PSMG2: variants seen among roughly 807,000 people sequenced by gnomAD.
PSMG2 encodes proteasome assembly chaperone 2.
In PSMG2, 21 loss-of-function variants were observed where a neutral mutation model predicts 31.5. The ratio of observed to expected loss-of-function variants is 0.67; its 90% CI spans 0.47 to 0.96. The LOEUF is 0.96. Among genes scored for constraint, PSMG2 ranks in the 40% least tolerant of loss-of-function variants. The probability of loss-of-function intolerance (pLI) is 0.00; values close to 1 mark genes in which losing one functional copy is unlikely to be tolerated. For missense variants in PSMG2, 318 were observed against 321.2 expected, an observed-to-expected ratio of 0.99 and a Z score of 0.08; for synonymous variants, 120 against 110.4, an observed-to-expected ratio of 1.09 and a Z score of -0.54.
At chr18:12,666,341 T>G (rs2038802028) in intron 1 of PSMG2, among the ~76,000 whole-genome samples, 1 of 151,828 alleles carries the variant, frequency 6.6e-6, no homozygotes, top group South Asian at 2.1e-4. Flanking sequence ...AAATAAAAAA[T>G]TATTATCTTG....
At chr18:12,723,140 T>C (rs758890000) in intron 5 of PSMG2, among the ~76,000 whole-genome samples, 1 of 152,240 alleles carries the variant, frequency 6.6e-6, no homozygotes, top group African/African-American at 2.4e-5. Context: ...TATCAGAGTC[T>C]CCTCGGTGCC....
intron 2 of PSMG2, among the ~76,000 whole-genome samples, chr18:12,709,899 G>C (rs555032268): frequency 8.6e-4 from 130 of 150,510 alleles, no homozygotes; most frequent in African/African-American, 3.0e-3. Context: ...GCCTCCCAAA[G>C]TGCCGGAATT....
At chr18:12,685,203 T>C (rs2145040817) in intron 1 of PSMG2, 1 of 152,164 alleles carries the variant, frequency 6.6e-6, no homozygotes, top group African/African-American at 2.4e-5. Context: ...TTTCTCCACG[T>C]TGGTCAGACT....
intron 1 of PSMG2, chr18:12,673,342 T>C (rs1321835596): frequency 6.3e-7 from 1 of 1,590,018 alleles, no homozygotes; most frequent in East Asian, 2.3e-5. Context: ...AACACAGGTA[T>C]AAATCTTATA....
intron 1 of PSMG2, among the ~76,000 whole-genome samples, chr18:12,662,504 G>T (rs1240382399): frequency 6.6e-6 from 1 of 152,230 alleles, no homozygotes; most frequent in African/African-American, 2.4e-5. Context: ...GCCCGGCCAT[G>T]GGGGCTCACA....
chr18:12,699,276 T>C, upstream of PSMG2: 2 of 1,098,058 alleles, frequency 1.8e-6, no homozygotes, highest in Non-Finnish European at 2.6e-6. Flanking sequence ...CATTAGGAAA[T>C]AAAAACTTGA....
At chr18:12,696,459 C>T (rs966365476) in intron 1 of PSMG2, among the ~76,000 whole-genome samples, 4 of 152,042 alleles carry the variant, frequency 2.6e-5, no homozygotes, top group African/African-American at 9.7e-5. Flanking sequence ...GCCGAGATTG[C>T]AGCACTGCAC....
chr18:12,678,504 G>A lies in PSMG2; in HGVS notation c.-37+19731G>A, dbSNP rs150533868. On this transcript the variant is annotated intron_variant, in intron 1 of 6. Transcript: ENST00000585331. ...AAAATTAAAAAGGCAGCATCTTACTGAGAAAATTATTCTAACACTTAAGGC... is the reference window on the plus strand; with the variant it reads ...AAAATTAAAAAGGCAGCATCTTACTAAGAAAATTATTCTAACACTTAAGGC... 3,756 of 1,134,786 alleles carry A rather than the reference G, an allele frequency of 3.3e-3. 9 individuals carry two copies. Among genetic ancestry groups the A allele is most frequent in the Non-Finnish European group, 4.0e-3 (3,258 of 804,708 alleles). 70.3% of individuals were successfully genotyped at this position (1,134,786 alleles called of 1,614,324 possible).
rs1321782398 is a variant in PSMG2 at position 12,709,118 on chromosome 18, C to T, written c.229+2397C>T. On this transcript the variant is annotated intron_variant, in intron 2 of 6. Coordinates refer to ENST00000317615, the MANE Select transcript of PSMG2 (RefSeq NM_020232.5). ...TGGAGTGCAGTGGCACGATCTCGGC[C>T]CATTGCAACCTCTGCCTCCCGGGTT... 2.9e-5 allele frequency among the ~76,000 whole-genome samples: 4 copies of T among 139,950 alleles called. No homozygotes were observed. In the East Asian group the frequency reaches 6.7e-4, roughly 23 times the overall value. 91.8% of individuals were successfully genotyped at this position (139,950 alleles called of 152,430 possible). A position where few individuals can be genotyped will look rare whatever the true frequency, so the allele number is the denominator to read the frequency against.
upstream of PSMG2, chr18:12,702,564 C>T (rs1349920676): frequency 6.4e-7 from 1 of 1,553,180 alleles, no homozygotes; most frequent in Admixed American, 1.9e-5. Context: ...CAGCCGGCGT[C>T]TCCCCGCCGC....
chr18:12,706,783 A>G, intron 2 of PSMG2, 62 bp downstream of exon 2: 1 of 1,487,362 alleles, frequency 6.7e-7, no homozygotes, highest in Non-Finnish European at 9.1e-7. Flanking sequence ...AATTAGAAAT[A>G]GACTTTATTG....
At chr18:12,721,562 T>C (rs2040430907) in intron 5 of PSMG2, among the ~76,000 whole-genome samples, 1 of 152,196 alleles carries the variant, frequency 6.6e-6, no homozygotes, top group South Asian at 2.1e-4. Context: ...TTCTGTAAAA[T>C]TGGTGTTGAT....
chr18:12,718,531 A>G lies in PSMG2; in HGVS notation c.303A>G (p.Pro101=), dbSNP rs17851032. The G allele has an allele frequency of 6.4e-5, 103 of 1,609,120 alleles. No individual in the cohort carries two copies. Among genetic ancestry groups the G allele is most frequent in the Non-Finnish European group, 8.6e-5 (101 of 1,177,500 alleles). ...RSIFIKYKSK[P]FCEKLLSWVK... ...GGTGTGCAAAGTATAAATCAAAGCC[A>G]TTCTGTGAAAAACTGCTTTCCTGGG... Residue 101 remains proline (P), a synonymous_variant, in exon 4 of 7, where the codon CCA becomes CCG. Transcript: ENST00000317615.
chr18:12,701,026 C>A (rs1260644709), upstream of PSMG2: 5 of 1,613,376 alleles, frequency 3.1e-6, no homozygotes, highest in Non-Finnish European at 3.4e-6. Context: ...TTGATCAAAT[C>A]TTCTGTTGAT....
chr18:12,715,843 G>A (rs1301484048), intron 3 of PSMG2, among the ~76,000 whole-genome samples: 1 of 152,164 alleles, frequency 6.6e-6, no homozygotes, highest in African/African-American at 2.4e-5. Context: ...ACGTACATGA[G>A]AAAAGTGCAC....
At chr18:12,708,479 C>T (rs2040292264) in intron 2 of PSMG2, among the ~76,000 whole-genome samples, 2 of 152,020 alleles carry the variant, frequency 1.3e-5, no homozygotes, top group Admixed American at 6.5e-5. Flanking sequence ...GTTCTCCTGC[C>T]TCAGCCTCCC....
chr18:12,680,937 G>A lies in PSMG2; in HGVS notation c.-37+22164G>A, dbSNP rs145154595. Reference sequence around the variant, plus strand: ...TTATTGGCTGGGCACAGTGGCTCACGCCTGTAATCCCAACACTTTGGGAGG... The same window carrying A: ...TTATTGGCTGGGCACAGTGGCTCACACCTGTAATCCCAACACTTTGGGAGG... On this transcript the variant is annotated intron_variant, in intron 1 of 6. Coordinates refer to the PSMG2 transcript ENST00000585331. 19 of 1,026,474 alleles carry A rather than the reference G, an allele frequency of 1.9e-5. No individual in the cohort carries two copies. In the African/African-American group the frequency reaches 2.8e-4, roughly 15 times the overall value. The allele number at this position is 1,026,474 out of a possible 1,614,324, so 63.6% of individuals were successfully genotyped here. A position where few individuals can be genotyped will look rare whatever the true frequency, so the allele number is the denominator to read the frequency against.
chr18:12,725,324 C>A, intron 6 of PSMG2, 115 bp from the exon 7 acceptor site: 4 of 713,838 alleles, frequency 5.6e-6, no homozygotes, highest in Admixed American at 3.0e-5. Flanking sequence ...ACAATAAAAC[C>A]TGGCTATAAA....
intron 1 of PSMG2, chr18:12,673,417 G>A (rs748769259): frequency 6.2e-7 from 1 of 1,606,542 alleles, no homozygotes; most frequent in Non-Finnish European, 8.5e-7. Context: ...AGCACATGCA[G>A]ATTCAGGGTA....
Sources: gnomAD v4.1 joint callset for allele counts (sites outside exome capture counted in the v4.1 genomes callset) on GRCh38, gnomAD v4.1.1 for gene constraint, MANE v1.5 for transcripts, NCBI Gene and HGNC (gene_info 2026-07-23, HGNC 2026-07-21) for gene names.